The following TAF3 variants were observed in gnomAD, a reference collection of about 807,000 sequenced individuals.
TAF3 encodes transcription initiation factor TFIID subunit 3.
In TAF3, 7 loss-of-function variants were observed where a neutral mutation model predicts 80.6. The ratio of observed to expected loss-of-function variants is 0.09; its 90% CI spans 0.05 to 0.16. The LOEUF (loss-of-function observed/expected upper bound fraction) is 0.16, where lower values mean the gene tolerates loss of function less well. Ranked by LOEUF, TAF3 falls within the 10% of genes least tolerant of loss-of-function variation. TAF3 has a pLI of 1.00. For synonymous variants in TAF3, 444 were observed against 446.1 expected (o/e 1.00, Z 0.06); for missense variants, 921 against 1,140.2 (o/e 0.81, Z 2.77).
chr10:7,867,440 A>C (rs531095105), intron 2 of TAF3, among the ~76,000 whole-genome samples: 19 of 152,332 alleles, frequency 1.2e-4, no homozygotes, highest in South Asian at 4.1e-4. Context: ...TACAGCTCGC[A>C]AATATTTCCT....
rs1831681027 is a variant in TAF3 at position 7,977,132 on chromosome 10, A to G, written c.2233-109A>G. On this transcript the variant is annotated intron_variant, in intron 3 of 6. Coordinates refer to ENST00000344293, the MANE Select transcript of TAF3 (RefSeq NM_031923.4). The stretch of plus-strand genomic sequence containing the variant: ...TTCTGTCTAAATTTTAGCCATATTT[A>G]AGGCTTCAACTTTTTAACTCAGTTT... The G allele has an allele frequency of 5.0e-6, 5 of 996,056 alleles. No individual in the cohort carries two copies. In the Admixed American group the frequency reaches 1.0e-4, roughly 20 times the overall value. 61.7% of individuals were successfully genotyped at this position (996,056 alleles called of 1,614,324 possible). A position where few individuals can be genotyped will look rare whatever the true frequency, so the allele number is the denominator to read the frequency against.
intron 2 of TAF3, among the ~76,000 whole-genome samples, chr10:7,877,214 T>C (rs1837320225): frequency 6.6e-6 from 1 of 152,224 alleles, no homozygotes. Flanking sequence ...CATGAGTCTT[T>C]AGAAATAATT....
At chr10:7,985,133 A>C (rs1291695292) in intron 4 of TAF3, among the ~76,000 whole-genome samples, 1 of 152,208 alleles carries the variant, frequency 6.6e-6, no homozygotes, top group Non-Finnish European at 1.5e-5. Context: ...GACTGCTGTC[A>C]TTTAGAATAT....
chr10:7,952,005 C>T (rs1375687344), intron 2 of TAF3, among the ~76,000 whole-genome samples: 1 of 152,124 alleles, frequency 6.6e-6, no homozygotes, highest in African/African-American at 2.4e-5. Flanking sequence ...TAGTTTCATC[C>T]CTACAGAACA....
intron 2 of TAF3, among the ~76,000 whole-genome samples, chr10:7,849,943 G>C (rs904744374): frequency 1.3e-5 from 2 of 152,042 alleles, no homozygotes. Flanking sequence ...GGCCTCCCAA[G>C]GTACTGGGAT....
chr10:8,014,979 G>A lies in TAF3; in HGVS notation c.*228G>A, dbSNP rs1832090957. ...GACAGAAGGAAACTCAAGCAGAGGC[G>A]TGGCCTGGGGGCTGCCCCTCCTCCA... On this transcript the variant is annotated 3_prime_UTR_variant, in exon 7 of 7. Coordinates refer to ENST00000344293, the MANE Select transcript of TAF3 (RefSeq NM_031923.4). 9.9e-6 allele frequency: 4 copies of A among 402,316 alleles called. No homozygotes were observed. The highest frequency in any genetic ancestry group is 3.2e-5 in the South Asian group (1 of 30,980). 24.9% of individuals were successfully genotyped at this position (402,316 alleles called of 1,614,324 possible). A position where few individuals can be genotyped will look rare whatever the true frequency, so the allele number is the denominator to read the frequency against.
At chr10:7,855,355 G>A (rs1837068057) in intron 2 of TAF3, among the ~76,000 whole-genome samples, 1 of 152,152 alleles carries the variant, frequency 6.6e-6, no homozygotes, top group African/African-American at 2.4e-5. Context: ...CGTGGGTTGA[G>A]GCCTGTGATA....
In TAF3 at chr10:7,849,927, C is replaced by T. The variant is rs12260718; in HGVS notation, c.409+25367C>T. ...AAATCCTGAGCTCGGGCAGTCTACTCACCTTGGCCTCCCAAGGTACTGGGA... is the reference window on the plus strand; with the variant it reads ...AAATCCTGAGCTCGGGCAGTCTACTTACCTTGGCCTCCCAAGGTACTGGGA... On this transcript the variant is annotated intron_variant, in intron 2 of 6. Coordinates refer to ENST00000344293, the MANE Select transcript of TAF3 (RefSeq NM_031923.4). Among the ~76,000 whole-genome samples, 439 of 152,284 alleles carry T rather than the reference C, an allele frequency of 2.9e-3. 2 individuals carry two copies. Among genetic ancestry groups the T allele is most frequent in the African/African-American group, 9.9e-3 (412 of 41,560 alleles).
At chr10:7,833,958 G>A (rs1836826117) in intron 2 of TAF3, 2 of 319,452 alleles carry the variant, frequency 6.3e-6, no homozygotes, top group Non-Finnish European at 1.1e-5. Context: ...TGGGCACCAT[G>A]GCTGCCTGCT....
intron 2 of TAF3, among the ~76,000 whole-genome samples, chr10:7,957,301 T>G (rs1462556935): frequency 1.3e-5 from 2 of 152,084 alleles, no homozygotes; most frequent in African/African-American, 4.8e-5. Context: ...ATGGGGAGAT[T>G]AGGGCAGACG....
chr10:7,908,823 A>G (rs1349926350), intron 2 of TAF3, among the ~76,000 whole-genome samples: 1 of 152,270 alleles, frequency 6.6e-6, no homozygotes, highest in East Asian at 1.9e-4. Flanking sequence ...CCTGTCTCCC[A>G]GAGCAGTGCT....
chr10:7,846,200 G>A (rs1836970750), intron 2 of TAF3, among the ~76,000 whole-genome samples: 1 of 152,092 alleles, frequency 6.6e-6, no homozygotes, highest in Non-Finnish European at 1.5e-5. Flanking sequence ...CTCGTGATCT[G>A]CCCGCCTTGG....
At position 7,965,615 on chromosome 10, in the gene TAF3, A is replaced by G. The variant is rs763450423; in HGVS notation, c.2105A>G (p.Lys702Arg). 6.2e-7 allele frequency: 1 copy of G among 1,601,080 alleles called. No homozygotes were observed. The highest frequency in any genetic ancestry group is 2.2e-5 in the East Asian group (1 of 44,626). Residue 702 changes from lysine to arginine, a missense_variant, in exon 3 of 7, where the codon AAA becomes AGA. Lys to Arg is a conservative substitution (Grantham distance 26, BLOSUM62 2). Coordinates refer to ENST00000344293, the MANE Select transcript of TAF3 (RefSeq NM_031923.4). ...GAGAAGGTGAAGGAGAAAGAAAAGA[A>G]AAAGGACAAAAAGGAGAAGAAGAAA... ...EKEKVKEKEK[K>R]KDKKEKKKKK... is the part of the protein sequence containing the mutation.
chr10:7,858,167 C>G (rs1384761812), intron 2 of TAF3, among the ~76,000 whole-genome samples: 1 of 152,056 alleles, frequency 6.6e-6, no homozygotes, highest in Non-Finnish European at 1.5e-5. Flanking sequence ...AATATATAAT[C>G]AAAATAACGA....
At chr10:7,895,769 G>T (rs1045539297) in intron 2 of TAF3, among the ~76,000 whole-genome samples, 2 of 152,176 alleles carry the variant, frequency 1.3e-5, no homozygotes, top group African/African-American at 4.8e-5. Flanking sequence ...TCTACAAAAT[G>T]AGGATGACAG....
intron 4 of TAF3, among the ~76,000 whole-genome samples, chr10:7,981,152 A>T (rs946935352): frequency 1.4e-4 from 22 of 152,330 alleles, no homozygotes; most frequent in Admixed American, 1.4e-3. Flanking sequence ...TTGCATAAAG[A>T]TTTGGGGCTG....
rs1490121135 is a variant in TAF3, at chr10:7,965,699, G to GAGAGAAGAGAGAAAA, written c.2197_2211dup (p.Arg733_Lys737dup). The GAGAGAAGAGAGAAAA allele has an allele frequency of 1.3e-6, 2 of 1,549,946 alleles. No individual in the cohort carries two copies. Among genetic ancestry groups the GAGAGAAGAGAGAAAA allele is most frequent in the African/African-American group, 2.8e-5 (2 of 71,642 alleles). On this transcript the variant is annotated inframe_insertion, in exon 3 of 7. Coordinates refer to ENST00000344293, the MANE Select transcript of TAF3 (RefSeq NM_031923.4). ...GAAAGAGAGAAAGAGAAGAGAGAGC[G>GAGAGAAGAGAGAAAA]AGAGAAGAGAGAAAAAGAGAAGGAG...
intron 4 of TAF3, among the ~76,000 whole-genome samples, chr10:8,005,313 A>AC: frequency 6.6e-6 from 1 of 152,022 alleles, no homozygotes; most frequent in East Asian, 1.9e-4. Flanking sequence ...TGTGCTGCTT[A>AC]TTTTTTTTAA....
Position 8,013,722 on chromosome 10 carries a change from A to G in TAF3, c.2569-9A>G, listed in dbSNP as rs1832077127. 4.0e-5 allele frequency: 64 copies of G among 1,612,768 alleles called. No homozygotes were observed. Among genetic ancestry groups the G allele is most frequent in the Non-Finnish European group, 5.3e-5 (63 of 1,179,344 alleles). On this transcript the variant is annotated splice_polypyrimidine_tract_variant and intron_variant, in intron 5 of 6. Transcript: ENST00000344293. ...TCCATTTTTGCCGCTTCCGCTTTGC[A>G]AACATCAGATCCGAGATGAGTGGGG...
Sources: allele counts gnomAD v4.1 joint callset (sites outside exome capture counted in the v4.1 genomes callset), GRCh38; gene constraint gnomAD v4.1.1; transcripts MANE v1.5; gene names NCBI Gene and HGNC (gene_info 2026-07-23, HGNC 2026-07-21).